The following PTPRD variants were observed in gnomAD, a reference collection of about 807,000 sequenced individuals.
The protein encoded by PTPRD is protein tyrosine phosphatase receptor type D.
PTPRD carries 34 observed loss-of-function variants against 214.5 expected under a neutral mutation model. That is an observed-to-expected ratio of 0.16 (90% CI 0.12 to 0.21). The LOEUF (loss-of-function observed/expected upper bound fraction) is 0.21, where lower values mean the gene tolerates loss of function less well. Ranked by LOEUF, PTPRD falls within the 10% of genes least tolerant of loss-of-function variation. PTPRD has a pLI of 1.00. For missense variants in PTPRD, 2,545 were observed against 2,398.7 expected (o/e 1.06, Z -1.27); for synonymous variants, 1,128 against 845.7 (o/e 1.33, Z -5.79).
chr9:10,174,917 A>G (rs893680934), intron 3 of PTPRD, among the ~76,000 whole-genome samples: 14 of 152,094 alleles, frequency 9.2e-5, no homozygotes, highest in Non-Finnish European at 1.5e-4. Flanking sequence ...CTTAATGGTA[A>G]TCAGTAAAAT....
chr9:9,623,854 C>G (rs550962164), intron 7 of PTPRD, among the ~76,000 whole-genome samples: 2 of 152,160 alleles, frequency 1.3e-5, no homozygotes, highest in Admixed American at 6.5e-5. Context: ...TACAACTATT[C>G]TACAATATTT....
At position 10,486,438 on chromosome 9, in the gene PTPRD, A is replaced by T. The variant is rs906927055; in HGVS notation, c.-600+125960T>A. ...CCCAGCACCGTTTACTGAATAGGAG[A>T]TTCTCTCCCCATTGCTTGTTTTGGG... On this transcript the variant is annotated intron_variant, in intron 2 of 45. Coordinates refer to ENST00000381196, the MANE Select transcript of PTPRD (RefSeq NM_002839.4). 3.3e-5 allele frequency among the ~76,000 whole-genome samples: 5 copies of T among 152,018 alleles called. No individual in the cohort carries two copies. The East Asian group carries it at 9.6e-4, about 29-fold the overall frequency.
intron 3 of PTPRD, among the ~76,000 whole-genome samples, chr9:10,056,621 G>A (rs1429497621): frequency 6.6e-6 from 1 of 152,040 alleles, no homozygotes; most frequent in Admixed American, 6.6e-5. Flanking sequence ...TCTTTGCAAA[G>A]AGGCCCACAT....
At chr9:10,420,325 A>G (rs2098534397) in intron 2 of PTPRD, among the ~76,000 whole-genome samples, 1 of 151,874 alleles carries the variant, frequency 6.6e-6, no homozygotes, top group Non-Finnish European at 1.5e-5. Flanking sequence ...CATCTTTACT[A>G]GTCTTTAGGA....
chr9:9,556,139 G>A (rs1013621108), intron 8 of PTPRD, among the ~76,000 whole-genome samples: 1 of 152,052 alleles, frequency 6.6e-6, no homozygotes, highest in Non-Finnish European at 1.5e-5. Context: ...TATTTTGTAT[G>A]TTATATGTAT....
At chr9:10,224,547 T>C (rs529245509) in intron 3 of PTPRD, among the ~76,000 whole-genome samples, 13 of 152,234 alleles carry the variant, frequency 8.5e-5, no homozygotes, top group Non-Finnish European at 1.3e-4. Flanking sequence ...TAAGGTATTG[T>C]TGAAATTCTG....
intron 8 of PTPRD, among the ~76,000 whole-genome samples, chr9:9,423,506 G>A (rs1217165637): frequency 6.6e-6 from 1 of 152,098 alleles, no homozygotes; most frequent in Non-Finnish European, 1.5e-5. Context: ...ACAACCTAGG[G>A]TAGAGAATTA....
At chr9:10,499,461 CG>C (rs573501579) in intron 2 of PTPRD, among the ~76,000 whole-genome samples, 148 of 151,952 alleles carry the variant, frequency 9.7e-4, no homozygotes, top group African/African-American at 3.2e-3. Flanking sequence ...TCAATCATAC[CG>C]GACAGTTCAT....
At chr9:10,488,486 G>C (rs2099147829) in intron 2 of PTPRD, among the ~76,000 whole-genome samples, 1 of 152,100 alleles carries the variant, frequency 6.6e-6, no homozygotes, top group African/African-American at 2.4e-5. Flanking sequence ...TCAAGGTCCT[G>C]GGACTCTACA....
chr9:9,796,935 C>T (rs973372777), intron 5 of PTPRD, among the ~76,000 whole-genome samples: 3 of 152,094 alleles, frequency 2.0e-5, no homozygotes, highest in African/African-American at 4.8e-5. Flanking sequence ...TAAACTTATT[C>T]ATCATCTGAA....
chr9:9,647,767 A>T (rs940800259), intron 7 of PTPRD, among the ~76,000 whole-genome samples: 32 of 152,144 alleles, frequency 2.1e-4, no homozygotes, highest in African/African-American at 7.7e-4. Flanking sequence ...GGCACTTCCT[A>T]TTAGTCTTCA....
At chr9:8,805,997 A>G (rs1383627967) in intron 11 of PTPRD, among the ~76,000 whole-genome samples, 78 of 88,510 alleles carry the variant, frequency 8.8e-4, no homozygotes, top group African/African-American at 3.9e-3. Context: ...TCCGTCTCAG[A>G]AAAAAAAAAA....
At chr9:9,172,690 G>T (rs527758734) in intron 10 of PTPRD, among the ~76,000 whole-genome samples, 1 of 152,078 alleles carries the variant, frequency 6.6e-6, no homozygotes, top group Non-Finnish European at 1.5e-5. Flanking sequence ...TGTCATTCTT[G>T]GCCCCTCTCC....
At chr9:9,570,588 G>A (rs1251661061) in intron 8 of PTPRD, among the ~76,000 whole-genome samples, 4 of 151,400 alleles carry the variant, frequency 2.6e-5, no homozygotes, top group Admixed American at 6.6e-5. Flanking sequence ...AATGGCTGGT[G>A]GAGGATAAGA....
At chr9:8,332,749 C>CCATCAACCTTCTCCCCTGACTCATCA (rs1216561724) in intron 43 of PTPRD, among the ~76,000 whole-genome samples, 1 of 152,050 alleles carries the variant, frequency 6.6e-6, no homozygotes, top group Non-Finnish European at 1.5e-5. Context: ...AATACATTGC[C>CCATCAACCTTCTCCCCTGACTCATCA]CATCAACCTT....
chr9:10,185,272 T>C (rs2099324681), intron 3 of PTPRD, among the ~76,000 whole-genome samples: 1 of 152,084 alleles, frequency 6.6e-6, no homozygotes, highest in African/African-American at 2.4e-5. Flanking sequence ...TACCAGGATA[T>C]ATTTGAGGCC....
chr9:9,420,070 T>C (rs187312783), intron 8 of PTPRD, among the ~76,000 whole-genome samples: 10 of 148,600 alleles, frequency 6.7e-5, no homozygotes, highest in African/African-American at 2.2e-4. Context: ...GTTAAACTGA[T>C]CTTTTAAAAT....
chr9:9,820,954 T>C (rs1483190069), intron 5 of PTPRD, among the ~76,000 whole-genome samples: 1 of 152,148 alleles, frequency 6.6e-6, no homozygotes, highest in Non-Finnish European at 1.5e-5. Context: ...CAGGATTGCT[T>C]TGGCTATTTT....
chr9:10,142,923 C>T (rs1435259038), intron 3 of PTPRD, among the ~76,000 whole-genome samples: 11 of 150,830 alleles, frequency 7.3e-5, no homozygotes. Flanking sequence ...GGCACATATA[C>T]ACCATGGAAT....
Sources: gnomAD v4.1 joint callset for allele counts (sites outside exome capture counted in the v4.1 genomes callset) on GRCh38, gnomAD v4.1.1 for gene constraint, MANE v1.5 for transcripts, NCBI Gene and HGNC (gene_info 2026-07-23, HGNC 2026-07-21) for gene names.